The following ITPK1 variants were observed in gnomAD, a reference collection of about 807,000 sequenced individuals.
The protein encoded by ITPK1 is inositol 1,3,4-trisphosphate 5/6-kinase.
A neutral mutation model predicts 45.3 loss-of-function variants in ITPK1; 21 were observed. The observed-to-expected ratio is 0.46, with a 90% confidence interval of 0.33 to 0.67. The LOEUF is 0.67. Ranked by LOEUF, ITPK1 falls within the 30% of genes least tolerant of loss-of-function variation. ITPK1 has a pLI of 0.02. For synonymous variants in ITPK1, 258 were observed against 253.6 expected (o/e 1.02, Z -0.16); for missense variants, 474 against 573.5 (o/e 0.83, Z 1.77).
chr14:93,101,765 G>A (rs1022060513), intron 2 of ITPK1, among the ~76,000 whole-genome samples: 2 of 152,272 alleles, frequency 1.3e-5, no homozygotes, highest in South Asian at 2.1e-4. Context: ...CAGGAGAATC[G>A]CTTGAATCCA....
chr14:93,076,623 T>A lies in ITPK1; in HGVS notation c.96-4A>T, dbSNP rs755429818. 1 of 1,614,036 alleles carries A rather than the reference T, an allele frequency of 6.2e-7. No homozygotes were observed. Among genetic ancestry groups the A allele is most frequent in the Admixed American group, 1.7e-5 (1 of 60,004 alleles). On this transcript the variant is annotated splice_polypyrimidine_tract_variant and splice_region_variant and intron_variant, in intron 2 of 10. Transcript: ENST00000267615. The surrounding 1 kb of genome is among the most constrained non-coding windows in gnomAD (Gnocchi z 4.3). Reference sequence around the variant, plus strand: ...CACAACCTCCATCCCTCGCTTCCTGTGGAGAAAAACAAAGAAAACAAGCGT... The same window carrying A: ...CACAACCTCCATCCCTCGCTTCCTGAGGAGAAAAACAAAGAAAACAAGCGT...
At chr14:93,010,319 C>T (rs1165483082) in intron 4 of ITPK1, among the ~76,000 whole-genome samples, 4 of 152,220 alleles carry the variant, frequency 2.6e-5, no homozygotes, top group African/African-American at 4.8e-5. Flanking sequence ...CCTGTGCTGG[C>T]GACTGCTCAA....
chr14:93,064,763 G>A (rs898088374), intron 3 of ITPK1, among the ~76,000 whole-genome samples: 36 of 152,230 alleles, frequency 2.4e-4, no homozygotes, highest in Non-Finnish European at 1.2e-4. Context: ...GTCCCTGAAA[G>A]GGCTGTCTCT....
intron 3 of ITPK1, among the ~76,000 whole-genome samples, chr14:93,055,597 T>A: frequency 6.6e-6 from 1 of 152,150 alleles, no homozygotes; most frequent in Admixed American, 6.5e-5. Flanking sequence ...TCAAGGGACA[T>A]ACAAATGCCA....
chr14:93,049,448 C>T (rs1002787475), intron 3 of ITPK1, among the ~76,000 whole-genome samples: 5 of 152,066 alleles, frequency 3.3e-5, no homozygotes, highest in Admixed American at 6.5e-5. Context: ...GGAGAGAGTG[C>T]GCAGGTGTTG....
At chr14:93,081,738 C>G (rs1225687085) in intron 2 of ITPK1, among the ~76,000 whole-genome samples, 1 of 152,218 alleles carries the variant, frequency 6.6e-6, no homozygotes, top group Non-Finnish European at 1.5e-5. Flanking sequence ...TGCGCCCTCC[C>G]CAAAGGGTGT....
chr14:93,044,615 C>T (rs964989741), intron 3 of ITPK1, among the ~76,000 whole-genome samples: 1 of 152,186 alleles, frequency 6.6e-6, no homozygotes, highest in Non-Finnish European at 1.5e-5. Flanking sequence ...CTGGGACTGA[C>T]CCAGATGCAG....
At chr14:92,967,376 C>T (rs1885430199) in intron 5 of ITPK1, among the ~76,000 whole-genome samples, 1 of 152,206 alleles carries the variant, frequency 6.6e-6, no homozygotes, top group Non-Finnish European at 1.5e-5. Flanking sequence ...CCACTTTACA[C>T]CTACCAGGAT....
chr14:92,971,275 C>A (rs1034718147), intron 5 of ITPK1, among the ~76,000 whole-genome samples: 1 of 152,314 alleles, frequency 6.6e-6, no homozygotes, highest in Non-Finnish European at 1.5e-5. Flanking sequence ...AGCCGTATGA[C>A]CCTGGCCAAG....
chr14:93,031,676 G>C (rs949986891), intron 3 of ITPK1, among the ~76,000 whole-genome samples: 10 of 152,226 alleles, frequency 6.6e-5, no homozygotes, highest in African/African-American at 2.4e-4. Context: ...AGAGGTGGTG[G>C]TAAGAGAATA....
At chr14:93,099,459 AG>A (rs1892223623) in intron 2 of ITPK1, among the ~76,000 whole-genome samples, 1 of 152,220 alleles carries the variant, frequency 6.6e-6, no homozygotes, top group South Asian at 2.1e-4. Context: ...ACAGTGGGGC[AG>A]GAAAGATGTC....
At chr14:93,017,933 C>A (rs1022216935) in intron 3 of ITPK1, among the ~76,000 whole-genome samples, 1 of 152,216 alleles carries the variant, frequency 6.6e-6, no homozygotes, top group Non-Finnish European at 1.5e-5. Context: ...AGGACGGAGA[C>A]TTTTAAAACC....
chr14:92,998,861 A>G (rs1405734757), intron 4 of ITPK1: 1 of 152,232 alleles, frequency 6.6e-6, no homozygotes, highest in African/African-American at 2.4e-5. Flanking sequence ...AAAAATGATC[A>G]TCATCAGTAA....
intron 4 of ITPK1, among the ~76,000 whole-genome samples, chr14:93,009,571 G>C (rs540635403): frequency 7.2e-5 from 11 of 152,362 alleles, no homozygotes; most frequent in African/African-American, 2.4e-4. Flanking sequence ...GGCGATTCCT[G>C]GCCTGGCATT....
chr14:93,088,496 C>G (rs1231770696), intron 2 of ITPK1, among the ~76,000 whole-genome samples: 1 of 151,982 alleles, frequency 6.6e-6, no homozygotes, highest in Non-Finnish European at 1.5e-5. Context: ...GCTGGGACTA[C>G]AGTCGTGCGC....
intron 2 of ITPK1, among the ~76,000 whole-genome samples, chr14:93,114,546 C>A (rs943337149): frequency 1.3e-5 from 2 of 152,224 alleles, no homozygotes; most frequent in Non-Finnish European, 2.9e-5. Flanking sequence ...TCACCACATA[C>A]ATGCCAAGAA....
chr14:92,970,219 C>T (rs1234687246), intron 5 of ITPK1, among the ~76,000 whole-genome samples: 1 of 152,320 alleles, frequency 6.6e-6, no homozygotes, highest in East Asian at 1.9e-4. Flanking sequence ...TGAAGCCAGC[C>T]AGCCCGACGC....
intron 5 of ITPK1, among the ~76,000 whole-genome samples, chr14:92,991,208 GTGTGCTTCCCAGGA>G (rs1267006021): frequency 1.3e-5 from 2 of 152,120 alleles, no homozygotes; most frequent in Non-Finnish European, 2.9e-5. Flanking sequence ...GGGGCCCAGG[GTGTGCTTCCCAGGA>G]AGGCTCTCTG....
intron 5 of ITPK1, among the ~76,000 whole-genome samples, chr14:92,988,442 C>T (rs4900167): frequency 0.018 from 2,751 of 152,284 alleles, 72 homozygotes; most frequent in Admixed American, 0.08. Flanking sequence ...GCCTTATCAG[C>T]GACAAGGTCC....
Sources: allele counts gnomAD v4.1 joint callset (sites outside exome capture counted in the v4.1 genomes callset), GRCh38; gene constraint gnomAD v4.1.1; non-coding constraint Gnocchi (gnomAD v3.1); transcripts MANE v1.5; gene names NCBI Gene and HGNC (gene_info 2026-07-23, HGNC 2026-07-21).